The following TANC2 variants were observed in gnomAD, a reference collection of about 807,000 sequenced individuals.
TANC2 encodes the protein protein TANC2.
Under a neutral mutation model 210.5 loss-of-function variants are expected in TANC2, and 26 were observed. The observed-to-expected ratio is 0.12, with a 90% CI of 0.09 to 0.17. The LOEUF (loss-of-function observed/expected upper bound fraction) is 0.17, where lower values mean the gene tolerates loss of function less well. TANC2 is among the 10% of genes least tolerant of loss of function. The pLI is 1.00. For missense variants in TANC2, 2,129 were observed against 2,608.9 expected, an observed-to-expected ratio of 0.82 and a Z score of 4.01; for synonymous variants, 931 against 967.1, an observed-to-expected ratio of 0.96 and a Z score of 0.69.
chr17:63,045,486 G>C (rs577478641), intron 2 of TANC2, among the ~76,000 whole-genome samples: 14 of 152,154 alleles, frequency 9.2e-5, no homozygotes, highest in Admixed American at 9.2e-4. Context: ...TTTACTCAGA[G>C]ACTACAAATA....
intron 8 of TANC2, among the ~76,000 whole-genome samples, chr17:63,242,399 TA>T (rs1159540824): frequency 1.3e-5 from 2 of 151,816 alleles, no homozygotes; most frequent in African/African-American, 4.8e-5. Context: ...TCTATATATA[TA>T]AAACATTATA....
At position 63,306,911 on chromosome 17, in the gene TANC2, C is replaced by T. The variant is rs56194130; in HGVS notation, c.1160-7477C>T. Among the ~76,000 whole-genome samples the T allele has an allele frequency of 3.9e-3, 587 of 152,220 alleles. 7 individuals carry two copies. The highest frequency in any genetic ancestry group is 0.013 in the African/African-American group (557 of 41,526). On this transcript the variant is annotated intron_variant, in intron 9 of 27. Transcript: ENST00000689528. ...TGAGGCTGCAGTGAGCTATGATTGC[C>T]TCTCCAGCCTGTGCAACAGAACAAG...
chr17:63,069,377 A>G (rs2036316286), intron 2 of TANC2, among the ~76,000 whole-genome samples: 1 of 152,130 alleles, frequency 6.6e-6, no homozygotes, highest in African/African-American at 2.4e-5. Context: ...TTCCAATTGT[A>G]ACAACCAAAA....
At chr17:63,221,431 A>T (rs1049042571) in intron 7 of TANC2, among the ~76,000 whole-genome samples, 2 of 131,964 alleles carry the variant, frequency 1.5e-5, no homozygotes, top group African/African-American at 6.2e-5. Context: ...CAACAGAGTG[A>T]GACTCCATCT....
intron 3 of TANC2, among the ~76,000 whole-genome samples, chr17:63,092,477 G>T (rs2037234958): frequency 6.6e-6 from 1 of 151,890 alleles, no homozygotes; most frequent in Non-Finnish European, 1.5e-5. Flanking sequence ...TCTGTATTAG[G>T]CCATTCTTGC....
At chr17:63,201,380 A>G (rs928701444) in intron 7 of TANC2, among the ~76,000 whole-genome samples, 9 of 152,182 alleles carry the variant, frequency 5.9e-5, no homozygotes, top group Non-Finnish European at 1.3e-4. Flanking sequence ...TGTGCAAACC[A>G]TATATTAGTT....
chr17:63,298,388 A>G (rs1341627924), intron 9 of TANC2, among the ~76,000 whole-genome samples: 3 of 152,222 alleles, frequency 2.0e-5, no homozygotes, highest in Admixed American at 6.5e-5. Flanking sequence ...AAGTACTGAT[A>G]CAAGCTACAA....
intron 9 of TANC2, among the ~76,000 whole-genome samples, chr17:63,312,254 A>G (rs1161435664): frequency 6.6e-6 from 1 of 152,222 alleles, no homozygotes; most frequent in African/African-American, 2.4e-5. Flanking sequence ...CCAAAAAGAC[A>G]TATGCATGCG....
intron 10 of TANC2, 45 bp downstream of exon 10, chr17:63,314,714 A>G (rs778444346): frequency 1.3e-5 from 20 of 1,591,438 alleles, no homozygotes; most frequent in Non-Finnish European, 1.6e-5. Flanking sequence ...TTGGCGCTGA[A>G]GTTTTTCTGA....
At position 63,412,881 on chromosome 17, in the gene TANC2, ATAAC is replaced by A. The variant is rs2048747179; in HGVS notation, c.3928+177_3928+180del. On this transcript the variant is annotated intron_variant, in intron 24 of 27. Coordinates refer to ENST00000689528, the Ensembl canonical transcript of TANC2. The surrounding 1 kb of genome is among the most constrained non-coding windows in gnomAD (Gnocchi z 4.2). ...TTGTAGAGAATAACTTGAACTTTTG[ATAAC>A]TAACCTTGAAAAGCATAGTTTGTAA... 6.6e-6 allele frequency among the ~76,000 whole-genome samples: 1 copy of A among 152,164 alleles called. No homozygotes were observed. Among genetic ancestry groups the A allele is most frequent in the Non-Finnish European group, 1.5e-5 (1 of 68,022 alleles).
Position 63,348,212 on chromosome 17 carries a change from G to A in TANC2, c.1808-3038G>A, listed in dbSNP as rs115482948. On this transcript the variant is annotated intron_variant, in intron 12 of 27. Coordinates refer to ENST00000689528, the Ensembl canonical transcript of TANC2. ...TACCAGTAAAAGAATCTCATGTGCC[G>A]AGATTCAGTTCTGACTTCAGTACTA... 7.3e-3 allele frequency among the ~76,000 whole-genome samples: 1,114 copies of A among 152,236 alleles called. 13 individuals are homozygous for A. The highest frequency in any genetic ancestry group is 0.024 in the African/African-American group (1,011 of 41,528).
intron 11 of TANC2, among the ~76,000 whole-genome samples, chr17:63,322,214 C>G (rs971603369): frequency 5.3e-5 from 8 of 152,018 alleles, no homozygotes; most frequent in African/African-American, 1.9e-4. Context: ...GGTCTCTATC[C>G]TCTTCTTTAG....
Position 63,366,456 on chromosome 17 carries a change from A to G in TANC2, c.2582+11066A>G, listed in dbSNP as rs80168930. ...GAAGAGAGAAGTGATCAATTTTCCT[A>G]TGACTACCGTTGGTGTTTCAAACTG... On this transcript the variant is annotated intron_variant, in intron 14 of 27. Coordinates refer to ENST00000689528, the Ensembl canonical transcript of TANC2. Among the ~76,000 whole-genome samples the G allele has an allele frequency of 4.3e-3, 654 of 152,312 alleles. 5 individuals are homozygous for G. Among genetic ancestry groups the G allele is most frequent in the African/African-American group, 0.014 (569 of 41,568 alleles).
intron 2 of TANC2, among the ~76,000 whole-genome samples, chr17:63,046,166 C>A (rs763930600): frequency 6.9e-6 from 1 of 143,930 alleles, no homozygotes; most frequent in Non-Finnish European, 1.5e-5. Context: ...TTATTAAATT[C>A]TTTTTTTTTT....
chr17:62,988,898 T>C (rs1568298581), intron 1 of TANC2, among the ~76,000 whole-genome samples: 1 of 152,228 alleles, frequency 6.6e-6, no homozygotes, highest in African/African-American at 2.4e-5. Flanking sequence ...AGTGTTCTAC[T>C]TTCATTCAGG....
At chr17:63,212,045 A>G (rs1020469557) in intron 7 of TANC2, among the ~76,000 whole-genome samples, 1 of 151,984 alleles carries the variant, frequency 6.6e-6, no homozygotes, top group Non-Finnish European at 1.5e-5. Flanking sequence ...CCACCCCACA[A>G]CAGGCCCCGG....
At position 63,379,847 on chromosome 17, in the gene TANC2, C is replaced by T. The variant is rs1395620876; in HGVS notation, c.2691+21C>T. 5.0e-6 allele frequency: 8 copies of T among 1,585,574 alleles called. No homozygotes were observed. The East Asian group carries it at 1.8e-4, about 36-fold the overall frequency. On this transcript the variant is annotated intron_variant, in intron 15 of 27. Coordinates refer to ENST00000689528, the Ensembl canonical transcript of TANC2. ...TTAAGGTAATTAAAGCAGTTGGAACCATTTTTCCGCCATCTCTAGCAGACT... is the reference window on the plus strand; with the variant it reads ...TTAAGGTAATTAAAGCAGTTGGAACTATTTTTCCGCCATCTCTAGCAGACT...
chr17:63,426,856 C>T (rs1315796277), exon 28 of TANC2: 1 of 152,172 alleles, frequency 6.6e-6, no homozygotes, highest in African/African-American at 2.4e-5. Flanking sequence ...TAATCGCTAA[C>T]CAGAAAGTCT....
rs76287583 is a variant in TANC2, at chr17:63,019,017, G to A, written c.67+9391G>A. On this transcript the variant is annotated intron_variant, in intron 2 of 27. Coordinates refer to ENST00000689528, the Ensembl canonical transcript of TANC2. ...AGTTGTGAAAAATATTAGTGTACAG[G>A]GTTTTGTATAAACATAATTTTTTAT... Among the ~76,000 whole-genome samples the A allele has an allele frequency of 2.4e-3, 372 of 152,178 alleles. 6 individuals carry two copies. The highest frequency in any genetic ancestry group is 9.9e-3 in the East Asian group (51 of 5,176).
Sources: allele counts gnomAD v4.1 joint callset (sites outside exome capture counted in the v4.1 genomes callset), GRCh38; gene constraint gnomAD v4.1.1; non-coding constraint Gnocchi (gnomAD v3.1); transcripts MANE v1.5; gene names NCBI Gene and HGNC (gene_info 2026-07-23, HGNC 2026-07-21).